Variants in MEGF9 observed in about 807,000 individuals in gnomAD.
MEGF9 encodes the protein multiple EGF like domains 9.
MEGF9 carries 6 observed loss-of-function variants against 46.8 expected under a neutral mutation model. The observed-to-expected ratio is 0.13, with a 90% CI of 0.07 to 0.25. MEGF9 has a LOEUF of 0.25. Ranked by LOEUF, MEGF9 falls within the 10% of genes least tolerant of loss-of-function variation. The probability of loss-of-function intolerance (pLI) is 1.00; values close to 1 mark genes in which losing one functional copy is unlikely to be tolerated. For missense variants in MEGF9, 683 were observed against 792.4 expected, an observed-to-expected ratio of 0.86 and a Z score of 1.66; for synonymous variants, 302 against 330.7, an observed-to-expected ratio of 0.91 and a Z score of 0.94.
intron 2 of MEGF9, among the ~76,000 whole-genome samples, chr9:120,634,236 T>C (rs1193681201): frequency 6.6e-6 from 1 of 152,138 alleles, no homozygotes; most frequent in Non-Finnish European, 1.5e-5. Context: ...TAACTCTCAC[T>C]TTAGATCTAA....
intron 1 of MEGF9, among the ~76,000 whole-genome samples, chr9:120,669,296 C>T (rs993986354): frequency 6.6e-6 from 1 of 152,054 alleles, no homozygotes; most frequent in African/African-American, 2.4e-5. Flanking sequence ...TGGCTTAGCA[C>T]AGTACTGATC....
intron 2 of MEGF9, among the ~76,000 whole-genome samples, chr9:120,643,113 C>T (rs2043609800): frequency 6.6e-6 from 1 of 151,956 alleles, no homozygotes; most frequent in Admixed American, 6.6e-5. Flanking sequence ...TCCAAGTCTC[C>T]CTCTAGGATT....
chr9:120,701,468 T>C (rs1273518004), intron 1 of MEGF9, among the ~76,000 whole-genome samples: 1 of 152,174 alleles, frequency 6.6e-6, no homozygotes, highest in East Asian at 1.9e-4. Flanking sequence ...TTTTTCCAAA[T>C]GAATAAATTT....
chr9:120,658,671 T>C (rs935925392), intron 2 of MEGF9, among the ~76,000 whole-genome samples: 2 of 152,180 alleles, frequency 1.3e-5, no homozygotes, highest in Non-Finnish European at 2.9e-5. Flanking sequence ...TTTAATACTG[T>C]CTCTTCAGTT....
At chr9:120,614,860 A>C (rs1339287071) in intron 3 of MEGF9, among the ~76,000 whole-genome samples, 1 of 152,034 alleles carries the variant, frequency 6.6e-6, no homozygotes, top group Non-Finnish European at 1.5e-5. Flanking sequence ...GTCCAATAAT[A>C]AGTCCTTTGT....
At chr9:120,612,660 G>C in intron 3 of MEGF9, 121 bp from the exon 4 acceptor site, 1 of 843,800 alleles carries the variant, frequency 1.2e-6, no homozygotes, top group Non-Finnish European at 1.8e-6. Context: ...GGATTGGATA[G>C]AGTTAATTTC....
In MEGF9 at chr9:120,624,508, A is replaced by G. The variant is rs114413103; in HGVS notation, c.804-1753T>C. ...CTCCGAAAGTGCTAGCATTACAGGTATGAGACACCATGCATGGCCAGATTT... is the reference window on the plus strand; with the variant it reads ...CTCCGAAAGTGCTAGCATTACAGGTGTGAGACACCATGCATGGCCAGATTT... On this transcript the variant is annotated intron_variant, in intron 2 of 5. Transcript: ENST00000373930. 4.3e-3 allele frequency among the ~76,000 whole-genome samples: 648 copies of G among 152,250 alleles called. 5 individuals are homozygous for G. The highest frequency in any genetic ancestry group is 0.015 in the African/African-American group (612 of 41,546).
intron 2 of MEGF9, among the ~76,000 whole-genome samples, chr9:120,636,855 T>TA (rs542716687): frequency 6.7e-6 from 1 of 148,828 alleles, no homozygotes; most frequent in Non-Finnish European, 1.5e-5. Flanking sequence ...GTCTGGGGGG[T>TA]GGGGGGGCCC....
intron 1 of MEGF9, among the ~76,000 whole-genome samples, chr9:120,660,699 C>G (rs948551597): frequency 1.3e-5 from 2 of 152,170 alleles, no homozygotes; most frequent in African/African-American, 4.8e-5. Context: ...GCTACTGCCT[C>G]TATTCATTTT....
At chr9:120,709,696 A>G (rs2043944099) in intron 1 of MEGF9, among the ~76,000 whole-genome samples, 2 of 152,218 alleles carry the variant, frequency 1.3e-5, no homozygotes, top group South Asian at 4.1e-4. Flanking sequence ...GTAGAGCCAC[A>G]TTAGGAGGTA....
At chr9:120,629,791 G>A (rs1036554210) in intron 2 of MEGF9, among the ~76,000 whole-genome samples, 9 of 151,994 alleles carry the variant, frequency 5.9e-5, no homozygotes, top group Non-Finnish European at 1.0e-4. Context: ...AAATTAGCTA[G>A]GCGTGGTGGC....
intron 1 of MEGF9, among the ~76,000 whole-genome samples, chr9:120,681,374 A>G (rs530613699): frequency 3.9e-5 from 6 of 152,222 alleles, no homozygotes; most frequent in African/African-American, 7.2e-5. Flanking sequence ...TTGATACCCT[A>G]TACTACTGTG....
intron 2 of MEGF9, among the ~76,000 whole-genome samples, chr9:120,655,423 C>A (rs1195550417): frequency 6.6e-6 from 1 of 152,168 alleles, no homozygotes; most frequent in Non-Finnish European, 1.5e-5. Context: ...ATACAGCAGG[C>A]TATACCATCT....
intron 2 of MEGF9, among the ~76,000 whole-genome samples, chr9:120,636,658 G>GT (rs1321797561): frequency 3.9e-5 from 6 of 152,054 alleles, no homozygotes; most frequent in Non-Finnish European, 4.4e-5. Context: ...TTCCTTCACT[G>GT]TTTTTTTTAA....
intron 4 of MEGF9, 83 bp downstream of exon 4, chr9:120,612,313 A>C: frequency 7.3e-7 from 1 of 1,370,888 alleles, no homozygotes; most frequent in African/African-American, 1.4e-5. Context: ...AGCATCCAGA[A>C]CTTTATTCAT....
At position 120,601,927 on chromosome 9, in the gene MEGF9, T is replaced by C. The variant is rs2043398078; in HGVS notation, c.*3263A>G. The C allele has an allele frequency of 6.6e-6, 1 of 152,206 alleles. No homozygotes were observed. Among genetic ancestry groups the C allele is most frequent in the African/African-American group, 2.4e-5 (1 of 41,456 alleles). 9.4% of individuals were successfully genotyped at this position (152,206 alleles called of 1,614,324 possible). A position where few individuals can be genotyped will look rare whatever the true frequency, so the allele number is the denominator to read the frequency against. On this transcript the variant is annotated 3_prime_UTR_variant, in exon 6 of 6. Coordinates refer to ENST00000373930, the MANE Select transcript of MEGF9 (RefSeq NM_001080497.3). Reference sequence around the variant, plus strand: ...AATGGCAGTATCTGTAATTTCCAAATAAGATTCACATCAGTGCTATCTTAT... The same window carrying C: ...AATGGCAGTATCTGTAATTTCCAAACAAGATTCACATCAGTGCTATCTTAT...
At chr9:120,654,502 T>C (rs904561805) in intron 2 of MEGF9, among the ~76,000 whole-genome samples, 7 of 152,226 alleles carry the variant, frequency 4.6e-5, no homozygotes, top group African/African-American at 1.7e-4. Flanking sequence ...CATGTGTTCA[T>C]GGTGATGTTG....
At chr9:120,697,056 C>T (rs1420112313) in intron 1 of MEGF9, among the ~76,000 whole-genome samples, 1 of 152,144 alleles carries the variant, frequency 6.6e-6, no homozygotes, top group Non-Finnish European at 1.5e-5. Context: ...GAGTATGAAT[C>T]ACATTTGCAA....
rs200200571 is a variant in MEGF9 at position 120,713,973 on chromosome 9, G to A, written c.386C>T (p.Ala129Val). 292 of 1,380,954 alleles carry A rather than the reference G, an allele frequency of 2.1e-4. No individual in the cohort carries two copies. The highest frequency in any genetic ancestry group is 2.1e-4 in the Non-Finnish European group (226 of 1,062,578). The allele number at this position is 1,380,954 out of a possible 1,614,324, so 85.5% of individuals were successfully genotyped here. The change falls in exon 1 of 6, where the codon GCG becomes GTG. Residue 129 changes from alanine (A) to valine (V), a missense_variant. Ala to Val is a moderately conservative substitution (Grantham distance 64). Transcript: ENST00000373930. ...AGAGGTGGTCGAAGTGCGTTCCGCC[G>A]CCGGAGGGGTGGTCGGCGAGGGGCC... ...PLGPSPTTPP[A>V]AERTSTTSQA...
Sources: gnomAD v4.1 joint callset for allele counts (sites outside exome capture counted in the v4.1 genomes callset) on GRCh38, gnomAD v4.1.1 for gene constraint, MANE v1.5 for transcripts, NCBI Gene and HGNC (gene_info 2026-07-23, HGNC 2026-07-21) for gene names.